Variants in UBA2 observed in about 807,000 individuals in gnomAD.
UBA2 encodes the protein SUMO-activating enzyme subunit 2.
A neutral mutation model predicts 77.2 loss-of-function variants in UBA2; 11 were observed. The observed-to-expected ratio is 0.14, with a 90% CI of 0.09 to 0.24. The LOEUF is 0.24. Ranked by LOEUF, UBA2 falls within the 10% of genes least tolerant of loss-of-function variation. UBA2 has a pLI of 1.00. For synonymous variants in UBA2, 278 were observed against 276.7 expected (o/e 1.00, Z -0.05); for missense variants, 487 against 781.7 (o/e 0.62, Z 4.50).
chr19:34,455,891 C>T (rs1401460167), intron 12 of UBA2, among the ~76,000 whole-genome samples: 4 of 151,880 alleles, frequency 2.6e-5, no homozygotes, highest in African/African-American at 7.3e-5. Context: ...CCGCCCACCT[C>T]GGCCTCCCAA....
At position 34,454,549 on chromosome 19, in the gene UBA2, G is replaced by A; in HGVS notation, c.1238G>A (p.Cys413Tyr). The A allele has an allele frequency of 6.5e-7, 1 of 1,549,460 alleles. No homozygotes were observed. Among genetic ancestry groups the A allele is most frequent in the Non-Finnish European group, 8.8e-7 (1 of 1,139,408 alleles). Residue 413 changes from cysteine to tyrosine, a missense_variant, in exon 12 of 17, where the codon TGC becomes TAC. Coordinates refer to ENST00000246548, the MANE Select transcript of UBA2 (RefSeq NM_005499.3). ...LKILSGKIDQCRTIFLNKQPN... is the reference protein window; with the variant it reads ...LKILSGKIDQYRTIFLNKQPN... ...ATTTTATCAGGAAAAATAGACCAGT[G>A]CAGAACAGTGAGTATTTCTGTTTGC...
chr19:34,466,247 T>C (rs1263809851), intron 15 of UBA2, among the ~76,000 whole-genome samples: 2 of 152,144 alleles, frequency 1.3e-5, no homozygotes, highest in South Asian at 2.1e-4. Flanking sequence ...GGCAGAAGAA[T>C]AGCTTGAAAA....
chr19:34,431,739 T>A, intron 2 of UBA2, 122 bp from the exon 3 acceptor site: 1 of 787,630 alleles, frequency 1.3e-6, no homozygotes, highest in Non-Finnish European at 2.1e-6. Context: ...ATTTTTGGAC[T>A]TCTTTGGTGT....
Position 34,470,065 on chromosome 19 carries a change from G to C in UBA2, c.*844G>C, listed in dbSNP as rs1227635187. The C allele has an allele frequency of 2.7e-5, 4 of 149,036 alleles. No individual in the cohort carries two copies. Among genetic ancestry groups the C allele is most frequent in the Non-Finnish European group, 5.9e-5 (4 of 67,688 alleles). 9.2% of individuals were successfully genotyped at this position (149,036 alleles called of 1,614,324 possible). A position where few individuals can be genotyped will look rare whatever the true frequency, so the allele number is the denominator to read the frequency against. ...AGGTCAGTAGTTCAAGACCAACCTGGTCAACATGGTGAAACCCCATCTCTA... is the reference window on the plus strand; with the variant it reads ...AGGTCAGTAGTTCAAGACCAACCTGCTCAACATGGTGAAACCCCATCTCTA... On this transcript the variant is annotated 3_prime_UTR_variant, in exon 17 of 17. Transcript: ENST00000246548.
Position 34,428,562 on chromosome 19 carries a change from A to C in UBA2, c.130A>C (p.Ile44Leu). ...TCTCGTGCTCACCGGTTTCTCCCAC[A>C]TCGACCTGGTGAGGGCCGGGCGCGC... ...KNLVLTGFSH[I>L]DLIDLDTIDV... The change falls in exon 1 of 17, where the codon ATC (isoleucine) becomes CTC (leucine). Residue 44 changes from isoleucine (I) to leucine (L), a missense_variant. By Grantham distance (5) the Ile-to-Leu change is conservative (BLOSUM62 2). Coordinates refer to ENST00000246548, the MANE Select transcript of UBA2 (RefSeq NM_005499.3). 1.6e-6 allele frequency: 2 copies of C among 1,276,734 alleles called. No homozygotes were observed. The allele number at this position is 1,276,734 out of a possible 1,614,324, so 79.1% of individuals were successfully genotyped here.
rs762494992 is a variant in UBA2, at chr19:34,467,007, C to T, written c.1734C>T (p.Thr578=). ...GTGATGATGGAGCTCAGCCCTCCAC[C>T]TCCACAGGTGAGTATGGCCCCAGCC... ...NGSDDGAQPS[T]STAQEQDDVL... Residue 578 remains threonine (T), a synonymous_variant, in exon 16 of 17, where the codon ACC becomes ACT. Coordinates refer to ENST00000246548, the MANE Select transcript of UBA2 (RefSeq NM_005499.3). 1.3e-5 allele frequency: 21 copies of T among 1,613,988 alleles called. No homozygotes were observed. Among genetic ancestry groups the T allele is most frequent in the East Asian group, 2.2e-5 (1 of 44,878 alleles).
rs550260556 is a variant in UBA2 at position 34,466,739 on chromosome 19, T to A, written c.1605-139T>A. 3.1e-4 allele frequency: 198 copies of A among 628,874 alleles called. 1 individual carries two copies. Among genetic ancestry groups the A allele is most frequent in the African/African-American group, 6.3e-4 (34 of 54,042 alleles). 39.0% of individuals were successfully genotyped at this position (628,874 alleles called of 1,614,324 possible). On this transcript the variant is annotated intron_variant, in intron 15 of 16. Coordinates refer to ENST00000246548, the MANE Select transcript of UBA2 (RefSeq NM_005499.3). ...TGAGACCCTATCTCTCATTTTTTTTTAAATAAAAATTAAAAAAAAAATTAG... is the reference window on the plus strand; with the variant it reads ...TGAGACCCTATCTCTCATTTTTTTTAAAATAAAAATTAAAAAAAAAATTAG...
intron 12 of UBA2, among the ~76,000 whole-genome samples, chr19:34,454,895 C>G (rs187196689): frequency 6.6e-6 from 1 of 152,070 alleles, no homozygotes; most frequent in East Asian, 1.9e-4. Context: ...ATTTTATAGT[C>G]CCCTGTTCAG....
intron 12 of UBA2, 76 bp downstream of exon 12, chr19:34,454,632 T>A (rs1439352578): frequency 2.8e-6 from 2 of 716,806 alleles, no homozygotes; most frequent in Non-Finnish European, 4.2e-6. Flanking sequence ...AAACAGATAA[T>A]TTTTAAAATG....
At chr19:34,456,894 T>C (rs2075568770) in intron 12 of UBA2, among the ~76,000 whole-genome samples, 1 of 151,922 alleles carries the variant, frequency 6.6e-6, no homozygotes, top group Non-Finnish European at 1.5e-5. Flanking sequence ...AAAAATTTTT[T>C]ATAGCAGCCT....
At chr19:34,431,438 A>G (rs1269237840) in intron 2 of UBA2, among the ~76,000 whole-genome samples, 1 of 151,528 alleles carries the variant, frequency 6.6e-6, no homozygotes, top group Non-Finnish European at 1.5e-5. Context: ...TTCTCATGGC[A>G]TTTATCAGAG....
chr19:34,430,279 A>G (rs2075237489), intron 1 of UBA2: 1 of 264,546 alleles, frequency 3.8e-6, no homozygotes, highest in Non-Finnish European at 7.2e-6. Flanking sequence ...ATGAATTCAC[A>G]TATTTTTATG....
chr19:34,457,326 C>T (rs1466593962), intron 12 of UBA2, among the ~76,000 whole-genome samples: 1 of 150,756 alleles, frequency 6.6e-6, no homozygotes, highest in African/African-American at 2.4e-5. Context: ...GAGATCGCGC[C>T]ATTGCACTCC....
chr19:34,432,199 T>C (rs935104310), intron 3 of UBA2, among the ~76,000 whole-genome samples: 7 of 152,322 alleles, frequency 4.6e-5, no homozygotes, highest in African/African-American at 1.7e-4. Context: ...AGTAAGAAGA[T>C]ATTTTAAACT....
chr19:34,446,557 T>TC (rs1291150805), intron 8 of UBA2, among the ~76,000 whole-genome samples: 1 of 152,180 alleles, frequency 6.6e-6, no homozygotes, highest in African/African-American at 2.4e-5. Context: ...AGCTTGTATT[T>TC]CGTCTTATTT....
At chr19:34,462,239 T>G (rs2075639430) in intron 14 of UBA2, among the ~76,000 whole-genome samples, 1 of 152,048 alleles carries the variant, frequency 6.6e-6, no homozygotes, top group East Asian at 1.9e-4. Context: ...ATTGAGGGAT[T>G]TTTACTAAGG....
At chr19:34,441,614 T>C (rs1203025911) in intron 6 of UBA2, among the ~76,000 whole-genome samples, 1 of 152,184 alleles carries the variant, frequency 6.6e-6, no homozygotes, top group Non-Finnish European at 1.5e-5. Context: ...CAGTGTCAAC[T>C]TGATAAATGT....
rs773564267 is a variant in UBA2 at position 34,451,989 on chromosome 19, A to C, written c.880A>C (p.Thr294Pro). 5.2e-6 allele frequency: 8 copies of C among 1,540,294 alleles called. No individual in the cohort carries two copies. The highest frequency in any genetic ancestry group is 1.8e-4 in the Middle Eastern group (1 of 5,710). Residue 294 changes from threonine to proline, a missense_variant, in exon 10 of 17, where the codon ACG becomes CCG. Around this residue, in one of 9 missense-constraint regions of UBA2, gnomAD observed 300 missense variants for 454.3 expected, o/e 0.66. Coordinates refer to ENST00000246548, the MANE Select transcript of UBA2 (RefSeq NM_005499.3). ...TATATTTTTTTCTTTAGGAGAAGAA[A>C]CGAATGCATCAGATCAACAGAATGA... ...WAEVQSQGEE[T>P]NASDQQNEPQ...
At chr19:34,441,918 C>G (rs1366437874) in intron 6 of UBA2, among the ~76,000 whole-genome samples, 1 of 125,840 alleles carries the variant, frequency 7.9e-6, no homozygotes, top group Non-Finnish European at 1.8e-5. Flanking sequence ...GAGACTGTGT[C>G]TCAGAAAAAG....
Sources: gnomAD v4.1 joint callset for allele counts (sites outside exome capture counted in the v4.1 genomes callset) on GRCh38, gnomAD v4.1.1 for gene constraint, gnomAD v4.1.1 regional missense constraint, MANE v1.5 for transcripts, NCBI Gene and HGNC (gene_info 2026-07-23, HGNC 2026-07-21) for gene names.